The following UBL3 variants were observed in gnomAD, a reference collection of about 807,000 sequenced individuals.
UBL3 encodes the protein ubiquitin-like protein 3.
A neutral mutation model predicts 18.4 loss-of-function variants in UBL3; 6 were observed. That is an observed-to-expected ratio of 0.33 (90% CI 0.18 to 0.64). The LOEUF (loss-of-function observed/expected upper bound fraction) is 0.64. UBL3 is among the 30% of genes least tolerant of loss of function. UBL3 has a pLI of 0.76. For synonymous variants in UBL3, 49 were observed against 46.6 expected, an observed-to-expected ratio of 1.05 and a Z score of -0.21; for missense variants, 109 against 142.9, an observed-to-expected ratio of 0.76 and a Z score of 1.21.
At chr13:29,791,632 AC>A (rs1177739929) in intron 1 of UBL3, among the ~76,000 whole-genome samples, 1 of 152,146 alleles carries the variant, frequency 6.6e-6, no homozygotes, top group African/African-American at 2.4e-5. Flanking sequence ...AGCCTAAGTG[AC>A]CACTCAAACC....
At chr13:29,844,697 C>T (rs1337018908) in intron 1 of UBL3, among the ~76,000 whole-genome samples, 1 of 152,088 alleles carries the variant, frequency 6.6e-6, no homozygotes, top group Non-Finnish European at 1.5e-5. Context: ...TCATTTTTCC[C>T]TCCCAGAATA....
intron 1 of UBL3, among the ~76,000 whole-genome samples, chr13:29,819,753 G>T (rs1355797037): frequency 2.6e-5 from 4 of 152,048 alleles, no homozygotes; most frequent in Non-Finnish European, 4.4e-5. Flanking sequence ...GGAGAGAAAT[G>T]ATTTAGAAAG....
chr13:29,797,516 T>A (rs1317255075), intron 1 of UBL3, among the ~76,000 whole-genome samples: 1 of 152,194 alleles, frequency 6.6e-6, no homozygotes, highest in African/African-American at 2.4e-5. Context: ...TGCACTGACA[T>A]TCCCCAATAC....
chr13:29,835,114 ATATATATATAAATATATATATAT>A, intron 1 of UBL3, among the ~76,000 whole-genome samples: 1 of 30,462 alleles, frequency 3.3e-5, no homozygotes, highest in Non-Finnish European at 5.2e-5. Flanking sequence ...ATAAATATAT[ATATATATATAAATATATATATAT>A]ATATATATAT....
At chr13:29,772,387 T>C (rs1274850342) in intron 2 of UBL3, among the ~76,000 whole-genome samples, 189 bp from the exon 3 acceptor site, 1 of 152,104 alleles carries the variant, frequency 6.6e-6, no homozygotes, top group Non-Finnish European at 1.5e-5. Context: ...TTCTTTTAAG[T>C]AGCAAGAGCT....
intron 1 of UBL3, among the ~76,000 whole-genome samples, chr13:29,785,670 A>T (rs1877295346): frequency 6.6e-6 from 1 of 152,220 alleles, no homozygotes; most frequent in Non-Finnish European, 1.5e-5. Context: ...AAACAATTGC[A>T]GCGCTAAAAT....
At chr13:29,826,028 G>A (rs931971040) in intron 1 of UBL3, among the ~76,000 whole-genome samples, 1 of 152,166 alleles carries the variant, frequency 6.6e-6, no homozygotes, top group Non-Finnish European at 1.5e-5. Context: ...AACCAGCCTT[G>A]CATCCCAGGG....
chr13:29,835,094 ATATATATATATAAATAT>A (rs1878889470), intron 1 of UBL3, among the ~76,000 whole-genome samples: 2 of 24,894 alleles, frequency 8.0e-5, no homozygotes, highest in Non-Finnish European at 1.2e-4. Flanking sequence ...ATATAAATAT[ATATATATATATAAATAT>A]ATATATATAT....
At chr13:29,805,243 T>TGGATGGATTAAATG (rs1241504767) in intron 1 of UBL3, among the ~76,000 whole-genome samples, 1 of 152,250 alleles carries the variant, frequency 6.6e-6, no homozygotes, top group Admixed American at 6.5e-5. Flanking sequence ...TTTATCACAA[T>TGGATGGATTAAATG]GGATGGATTA....
chr13:29,796,276 A>G (rs1349757228), intron 1 of UBL3, among the ~76,000 whole-genome samples: 1 of 151,962 alleles, frequency 6.6e-6, no homozygotes, highest in African/African-American at 2.4e-5. Context: ...TGAAAATTAC[A>G]AAAAAAATTC....
At chr13:29,801,929 C>T (rs1417521592) in intron 1 of UBL3, among the ~76,000 whole-genome samples, 3 of 152,214 alleles carry the variant, frequency 2.0e-5, no homozygotes, top group Admixed American at 2.0e-4. Context: ...AGGTCCCTTC[C>T]CCTGTTGCCT....
intron 1 of UBL3, among the ~76,000 whole-genome samples, chr13:29,780,259 C>A (rs1877112428): frequency 6.8e-6 from 1 of 147,838 alleles, no homozygotes; most frequent in Non-Finnish European, 1.5e-5. Flanking sequence ...GAGGCTGAGG[C>A]AGGAGAATGG....
At chr13:29,780,610 T>C (rs1049475111) in intron 1 of UBL3, among the ~76,000 whole-genome samples, 19 of 151,932 alleles carry the variant, frequency 1.3e-4, no homozygotes, top group African/African-American at 4.6e-4. Flanking sequence ...TTTGCTGTGC[T>C]ATAACAGGCT....
intron 1 of UBL3, among the ~76,000 whole-genome samples, chr13:29,840,040 ATAG>A (rs1215335200): frequency 2.0e-5 from 3 of 151,680 alleles, no homozygotes; most frequent in African/African-American, 7.3e-5. Context: ...ATTTTTTTAA[ATAG>A]AAGAAATAAA....
intron 1 of UBL3, among the ~76,000 whole-genome samples, chr13:29,808,598 T>C (rs972121667): frequency 6.6e-6 from 1 of 152,096 alleles, no homozygotes; most frequent in Non-Finnish European, 1.5e-5. Context: ...ACAAAATATT[T>C]TCATATATAT....
rs61947226 is a variant in UBL3 at position 29,772,057 on chromosome 13, C to G, written c.223+55G>C. 1.1e-3 allele frequency: 1,634 copies of G among 1,429,930 alleles called. 1 individual carries two copies. Among genetic ancestry groups the G allele is most frequent in the Middle Eastern group, 1.4e-3 (8 of 5,598 alleles). 88.6% of individuals were successfully genotyped at this position (1,429,930 alleles called of 1,614,324 possible). A position where few individuals can be genotyped will look rare whatever the true frequency, so the allele number is the denominator to read the frequency against. The stretch of plus-strand genomic sequence containing the variant: ...CAAAGACATTAACATTTAAAACAAG[C>G]GAATCATGCTACCATGAGACAGACA... On this transcript the variant is annotated intron_variant, in intron 3 of 4. Transcript: ENST00000380680.
chr13:29,802,330 G>A (rs890771659), intron 1 of UBL3, among the ~76,000 whole-genome samples: 6 of 152,162 alleles, frequency 3.9e-5, no homozygotes, highest in Admixed American at 3.3e-4. Context: ...GACTGTACTC[G>A]AGTTACACCA....
At chr13:29,844,634 G>A (rs375068359) in intron 1 of UBL3, among the ~76,000 whole-genome samples, 2 of 152,162 alleles carry the variant, frequency 1.3e-5, no homozygotes, top group Non-Finnish European at 2.9e-5. Flanking sequence ...TACTGGTTCG[G>A]AATGACTTAT....
intron 1 of UBL3, among the ~76,000 whole-genome samples, chr13:29,792,573 TCAGA>T (rs1210450758): frequency 9.9e-5 from 15 of 152,172 alleles, no homozygotes; most frequent in African/African-American, 1.9e-4. Flanking sequence ...CCTATTCAGC[TCAGA>T]CAATTTGCAT....
Sources: gnomAD v4.1 joint callset for allele counts (sites outside exome capture counted in the v4.1 genomes callset) on GRCh38, gnomAD v4.1.1 for gene constraint, MANE v1.5 for transcripts, NCBI Gene and HGNC (gene_info 2026-07-23, HGNC 2026-07-21) for gene names.